COG5: variants seen among roughly 807,000 people sequenced by gnomAD.
COG5 encodes the protein component of oligomeric golgi complex 5.
A neutral mutation model predicts 110.4 loss-of-function variants in COG5; 86 were observed. That is an observed-to-expected ratio of 0.78 (90% confidence interval 0.65 to 0.93). The LOEUF is 0.93. Among genes scored for constraint, COG5 ranks in the 40% least tolerant of loss-of-function variants. COG5 has a pLI of 0.00. For missense variants in COG5, 1,077 were observed against 987.0 expected, an observed-to-expected ratio of 1.09 and a Z score of -1.22; for synonymous variants, 360 against 334.6, an observed-to-expected ratio of 1.08 and a Z score of -0.83.
intron 11 of COG5, among the ~76,000 whole-genome samples, chr7:107,316,824 C>T (rs1808807691): frequency 6.6e-6 from 1 of 151,564 alleles, no homozygotes; most frequent in African/African-American, 2.4e-5. Flanking sequence ...CAGTGAGACT[C>T]TGTCTCAGGA....
At position 107,415,849 on chromosome 7, in the gene COG5, T is replaced by C. The variant is rs1260328649; in HGVS notation, c.539-3217A>G. Among the ~76,000 whole-genome samples, 274 of 45,460 alleles carry C rather than the reference T, an allele frequency of 6.0e-3. 2 individuals carry two copies. Among genetic ancestry groups the C allele is most frequent in the African/African-American group, 7.8e-3 (43 of 5,542 alleles). The allele number at this position is 45,460 out of a possible 152,430, so 29.8% of individuals were successfully genotyped here. A position where few individuals can be genotyped will look rare whatever the true frequency, so the allele number is the denominator to read the frequency against. On this transcript the variant is annotated intron_variant, in intron 6 of 21. Transcript: ENST00000297135. ...GTATGTATGTATGTGTGTGTATATA[T>C]ACACACACATACACGTATGTATGTA...
chr7:107,541,845 T>C (rs1802063486), intron 5 of COG5, among the ~76,000 whole-genome samples: 1 of 150,064 alleles, frequency 6.7e-6, no homozygotes, highest in Non-Finnish European at 1.5e-5. Context: ...GCAGAAGAAT[T>C]GCTTGAAGCC....
chr7:107,241,424 C>T (rs1190417294), intron 17 of COG5, among the ~76,000 whole-genome samples: 5 of 132,544 alleles, frequency 3.8e-5, no homozygotes, highest in Non-Finnish European at 8.4e-5. Context: ...ATCCATCTAT[C>T]TATCTATATA....
At chr7:107,403,112 T>G (rs1791558627) in intron 7 of COG5, among the ~76,000 whole-genome samples, 1 of 152,030 alleles carries the variant, frequency 6.6e-6, no homozygotes. Flanking sequence ...ATGAAAGAGG[T>G]TATTTGCATT....
chr7:107,455,358 T>C (rs1795596853), intron 6 of COG5, among the ~76,000 whole-genome samples: 1 of 152,208 alleles, frequency 6.6e-6, no homozygotes, highest in East Asian at 1.9e-4. Context: ...AAGGTCTAGA[T>C]ACACTTTTAG....
At chr7:107,326,064 G>T (rs563983731) in intron 10 of COG5, among the ~76,000 whole-genome samples, 8 of 152,114 alleles carry the variant, frequency 5.3e-5, no homozygotes, top group Admixed American at 5.2e-4. Flanking sequence ...CCACATGGTC[G>T]TCTCAATTAA....
chr7:107,298,413 T>C, intron 11 of COG5, 67 bp from the exon 12 acceptor site: 1 of 1,325,144 alleles, frequency 7.5e-7, no homozygotes. Context: ...CTTTTGCATA[T>C]GAAGATATGT....
chr7:107,454,438 G>C (rs1181228016), intron 6 of COG5, among the ~76,000 whole-genome samples: 1 of 152,138 alleles, frequency 6.6e-6, no homozygotes, highest in Non-Finnish European at 1.5e-5. Context: ...ACAAATTGTT[G>C]TAAGAACATG....
intron 6 of COG5, among the ~76,000 whole-genome samples, chr7:107,457,101 G>T (rs561901527): frequency 0.012 from 1,812 of 152,108 alleles, 31 homozygotes; most frequent in African/African-American, 0.041. Context: ...ATGCAAAAAA[G>T]ATGACAAAAT....
At chr7:107,399,156 C>G (rs774015851) in intron 7 of COG5, among the ~76,000 whole-genome samples, 44 of 151,932 alleles carry the variant, frequency 2.9e-4, no homozygotes, top group African/African-American at 1.0e-3. Context: ...GAGTCGAGAT[C>G]GTGCCACTGC....
intron 21 of COG5, among the ~76,000 whole-genome samples, chr7:107,204,033 C>A (rs1273529942): frequency 6.6e-6 from 1 of 152,198 alleles, no homozygotes. Flanking sequence ...CTCAAGAGTA[C>A]AAGGGGATGG....
At chr7:107,452,136 A>G (rs1795378459) in intron 6 of COG5, among the ~76,000 whole-genome samples, 1 of 152,012 alleles carries the variant, frequency 6.6e-6, no homozygotes, top group Non-Finnish European at 1.5e-5. Context: ...TCCATCCTCA[A>G]TGCTACTCCC....
At chr7:107,450,472 G>A (rs1043219489) in intron 6 of COG5, 4 of 152,400 alleles carry the variant, frequency 2.6e-5, no homozygotes, top group Non-Finnish European at 5.9e-5. Context: ...TCAAGAGGAA[G>A]CAGATGAGTT....
chr7:107,561,280 G>T (rs1439601250), intron 1 of COG5, among the ~76,000 whole-genome samples: 1 of 152,056 alleles, frequency 6.6e-6, no homozygotes, highest in African/African-American at 2.4e-5. Flanking sequence ...CTATCAATCC[G>T]ATACTCTGTC....
At chr7:107,539,331 C>T (rs1309956328) in intron 5 of COG5, among the ~76,000 whole-genome samples, 1 of 152,178 alleles carries the variant, frequency 6.6e-6, no homozygotes, top group Non-Finnish European at 1.5e-5. Context: ...TGTTCTTTTA[C>T]TTAAAGTTGC....
At chr7:107,353,480 C>A (rs1407506317) in intron 10 of COG5, among the ~76,000 whole-genome samples, 1 of 146,370 alleles carries the variant, frequency 6.8e-6, no homozygotes, top group East Asian at 2.0e-4. Context: ...TAATATTCAA[C>A]GTTAAAATGC....
At chr7:107,431,956 A>G (rs771086526) in intron 6 of COG5, among the ~76,000 whole-genome samples, 4 of 152,172 alleles carry the variant, frequency 2.6e-5, no homozygotes, top group African/African-American at 4.8e-5. Context: ...CCCAATCAAC[A>G]ATGACTTTTA....
intron 21 of COG5, among the ~76,000 whole-genome samples, chr7:107,206,817 C>T (rs1798819216): frequency 6.6e-6 from 1 of 152,200 alleles, no homozygotes; most frequent in Non-Finnish European, 1.5e-5. Flanking sequence ...AAAGATTAAG[C>T]TGCCCTCCCA....
Position 107,350,383 on chromosome 7 carries a change from G to C in COG5, c.1026+11650C>G, listed in dbSNP as rs912105928. Reference sequence around the variant, plus strand: ...GACAACTTGATTTTTATTTCTAAACGTTCTACTGGTTCATTTTCATATCTA... The same window carrying C: ...GACAACTTGATTTTTATTTCTAAACCTTCTACTGGTTCATTTTCATATCTA... On this transcript the variant is annotated intron_variant, in intron 10 of 21. Coordinates refer to ENST00000297135, the MANE Select transcript of COG5 (RefSeq NM_006348.5). 2.0e-5 allele frequency among the ~76,000 whole-genome samples: 3 copies of C among 151,864 alleles called. No homozygotes were observed. In the East Asian group the frequency reaches 5.8e-4, roughly 29 times the overall value.
Sources: allele counts gnomAD v4.1 joint callset (sites outside exome capture counted in the v4.1 genomes callset), GRCh38; gene constraint gnomAD v4.1.1; transcripts MANE v1.5; gene names NCBI Gene and HGNC (gene_info 2026-07-23, HGNC 2026-07-21).